COL25A1: variants seen among roughly 807,000 people sequenced by gnomAD.
The protein encoded by COL25A1 is collagen alpha-1(XXV) chain.
A neutral mutation model predicts 128.4 loss-of-function variants in COL25A1; 103 were observed. The observed-to-expected ratio is 0.80, with a 90% CI of 0.68 to 0.94. The LOEUF is 0.94. Among genes scored for constraint, COL25A1 ranks in the 40% least tolerant of loss-of-function variants. COL25A1 has a pLI of 0.00. For missense variants in COL25A1, 745 were observed against 840.0 expected (o/e 0.89, Z 1.40); for synonymous variants, 279 against 277.2 (o/e 1.01, Z -0.06).
chr4:109,244,160 G>T (rs907340703), intron 3 of COL25A1, among the ~76,000 whole-genome samples: 16 of 149,976 alleles, frequency 1.1e-4, no homozygotes, highest in African/African-American at 1.2e-4. Flanking sequence ...AAAAAGCATG[G>T]TTTTTTTCAT....
intron 3 of COL25A1, among the ~76,000 whole-genome samples, chr4:109,271,944 A>C (rs983058307): frequency 1.3e-5 from 2 of 152,254 alleles, no homozygotes; most frequent in Non-Finnish European, 2.9e-5. Context: ...ATTTTTTTAA[A>C]GTTAAAAATC....
intron 6 of COL25A1, among the ~76,000 whole-genome samples, chr4:109,004,622 A>G (rs562086048): frequency 6.6e-6 from 1 of 152,208 alleles, no homozygotes; most frequent in African/African-American, 2.4e-5. Context: ...TGCTGTCCTC[A>G]AGATAGTAAA....
At chr4:109,148,981 T>C (rs1470728677) in intron 3 of COL25A1, among the ~76,000 whole-genome samples, 1 of 152,218 alleles carries the variant, frequency 6.6e-6, no homozygotes, top group Non-Finnish European at 1.5e-5. Flanking sequence ...CTTTGAAGTC[T>C]TTCTTCAAAA....
intron 3 of COL25A1, among the ~76,000 whole-genome samples, chr4:109,087,240 G>A (rs1178928654): frequency 4.0e-5 from 6 of 150,908 alleles, no homozygotes; most frequent in African/African-American, 7.3e-5. Flanking sequence ...TTCTTTTAGC[G>A]TGAAAAAAAA....
intron 3 of COL25A1, among the ~76,000 whole-genome samples, chr4:109,275,536 T>C (rs1456382255): frequency 6.6e-6 from 1 of 152,146 alleles, no homozygotes; most frequent in African/African-American, 2.4e-5. Context: ...ACAGTGAATG[T>C]AGTCAACTAC....
chr4:108,929,376 G>A (rs540509736), intron 11 of COL25A1, among the ~76,000 whole-genome samples: 14 of 151,920 alleles, frequency 9.2e-5, no homozygotes, highest in Non-Finnish European at 1.9e-4. Context: ...CACCCACCTC[G>A]GTCTCCCAAA....
chr4:109,138,712 TTTTTG>T (rs1033410710), intron 3 of COL25A1, among the ~76,000 whole-genome samples: 2 of 152,032 alleles, frequency 1.3e-5, no homozygotes, highest in Non-Finnish European at 2.9e-5. Context: ...TGTTTTTTGT[TTTTTG>T]TTTTTTTTGA....
chr4:109,231,559 G>A (rs903403364), intron 3 of COL25A1, among the ~76,000 whole-genome samples: 1 of 152,160 alleles, frequency 6.6e-6, no homozygotes, highest in Non-Finnish European at 1.5e-5. Flanking sequence ...ATGACGTGAG[G>A]TGTGTGGTCA....
At chr4:109,251,785 C>G (rs1209040565) in intron 3 of COL25A1, among the ~76,000 whole-genome samples, 1 of 152,164 alleles carries the variant, frequency 6.6e-6, no homozygotes, top group Non-Finnish European at 1.5e-5. Context: ...GATGCCAATC[C>G]CATTTTTACC....
chr4:108,879,486 T>C (rs1195184446), intron 19 of COL25A1, among the ~76,000 whole-genome samples: 1 of 152,214 alleles, frequency 6.6e-6, no homozygotes, highest in Non-Finnish European at 1.5e-5. Context: ...CTCACTCTGT[T>C]GCCCAGGCAG....
chr4:108,950,352 G>A (rs866774100), intron 8 of COL25A1, among the ~76,000 whole-genome samples: 9 of 152,224 alleles, frequency 5.9e-5, no homozygotes, highest in Admixed American at 2.6e-4. Flanking sequence ...GCCATGTGAC[G>A]TGCCAGATAG....
chr4:109,077,768 A>T (rs1400804814), intron 3 of COL25A1, among the ~76,000 whole-genome samples: 1 of 152,236 alleles, frequency 6.6e-6, no homozygotes, highest in Non-Finnish European at 1.5e-5. Context: ...TGAAAGCTGT[A>T]CTAAGATCAA....
intron 19 of COL25A1, among the ~76,000 whole-genome samples, chr4:108,877,689 A>G (rs1166821634): frequency 6.6e-6 from 1 of 152,090 alleles, no homozygotes; most frequent in East Asian, 1.9e-4. Context: ...CACATGAACA[A>G]CTACCATCTC....
At chr4:109,215,708 A>G (rs1777928017) in intron 3 of COL25A1, among the ~76,000 whole-genome samples, 1 of 152,124 alleles carries the variant, frequency 6.6e-6, no homozygotes, top group Non-Finnish European at 1.5e-5. Context: ...GATTTCAGAG[A>G]AAGTCCCATG....
chr4:109,166,857 GC>G (rs1773120457), intron 3 of COL25A1, among the ~76,000 whole-genome samples: 1 of 152,124 alleles, frequency 6.6e-6, no homozygotes, highest in African/African-American at 2.4e-5. Flanking sequence ...TTTTGTAATT[GC>G]TGAGTGATAG....
At chr4:109,214,613 T>C (rs1275458675) in intron 3 of COL25A1, among the ~76,000 whole-genome samples, 1 of 128,958 alleles carries the variant, frequency 7.8e-6, no homozygotes, top group Non-Finnish European at 1.6e-5. Flanking sequence ...TAAATATATA[T>C]ACATATATAT....
At chr4:109,137,875 G>A (rs1354589896) in intron 3 of COL25A1, among the ~76,000 whole-genome samples, 3 of 152,054 alleles carry the variant, frequency 2.0e-5, no homozygotes, top group Admixed American at 1.3e-4. Flanking sequence ...GAAAGAAGAA[G>A]GCATGAAGTT....
intron 3 of COL25A1, among the ~76,000 whole-genome samples, chr4:109,164,680 A>G (rs1236863253): frequency 6.6e-6 from 1 of 152,208 alleles, no homozygotes; most frequent in Non-Finnish European, 1.5e-5. Flanking sequence ...TGCATGCTTT[A>G]TAAAAGGATA....
At chr4:109,002,856 GCACCTAT>G (rs1011298939) in intron 6 of COL25A1, among the ~76,000 whole-genome samples, 1 of 151,892 alleles carries the variant, frequency 6.6e-6, no homozygotes, top group Non-Finnish European at 1.5e-5. Context: ...GTGGTTTGCT[GCACCTAT>G]CAACCCATTA....
Sources: gnomAD v4.1 joint callset for allele counts (sites outside exome capture counted in the v4.1 genomes callset) on GRCh38, gnomAD v4.1.1 for gene constraint, MANE v1.5 for transcripts, NCBI Gene and HGNC (gene_info 2026-07-23, HGNC 2026-07-21) for gene names.